Variants in ADCY2 observed in about 807,000 individuals in gnomAD.
ADCY2 encodes adenylate cyclase 2.
A neutral mutation model predicts 125.2 loss-of-function variants in ADCY2; 31 were observed. The ratio of observed to expected loss-of-function variants is 0.25; its 90% CI spans 0.19 to 0.33. The LOEUF (loss-of-function observed/expected upper bound fraction) is 0.33, where lower values mean the gene tolerates loss of function less well. ADCY2 is among the 10% of genes least tolerant of loss of function. The pLI, the probability that ADCY2 is intolerant of heterozygous loss-of-function variation, is 1.00. For synonymous variants in ADCY2, 512 were observed against 548.4 expected, an observed-to-expected ratio of 0.93 and a Z score of 0.93; for missense variants, 904 against 1,418.2, an observed-to-expected ratio of 0.64 and a Z score of 5.82.
At chr5:7,815,410 C>G (rs1179388268) in intron 22 of ADCY2, among the ~76,000 whole-genome samples, 2 of 152,206 alleles carry the variant, frequency 1.3e-5, no homozygotes, top group Non-Finnish European at 2.9e-5. Context: ...GTCATTGAAA[C>G]CCCGAAGGCC....
chr5:7,443,272 G>A (rs959000010), intron 2 of ADCY2, among the ~76,000 whole-genome samples: 3 of 151,946 alleles, frequency 2.0e-5, no homozygotes, highest in East Asian at 1.9e-4. Flanking sequence ...TTATGAGATC[G>A]GAACTTCAGT....
At chr5:7,415,473 G>A (rs113553485) in intron 2 of ADCY2, among the ~76,000 whole-genome samples, 15 of 152,204 alleles carry the variant, frequency 9.9e-5, no homozygotes, top group East Asian at 3.9e-4. Flanking sequence ...TTCTGTTTCC[G>A]GAGTGCCTTG....
intron 2 of ADCY2, among the ~76,000 whole-genome samples, chr5:7,509,860 A>G (rs1168431595): frequency 2.0e-5 from 3 of 152,248 alleles, no homozygotes; most frequent in Non-Finnish European, 4.4e-5. Flanking sequence ...GGTTTTATTA[A>G]GTAGTGTAAA....
chr5:7,562,612 C>T (rs1282353893), intron 3 of ADCY2, among the ~76,000 whole-genome samples: 1 of 152,106 alleles, frequency 6.6e-6, no homozygotes, highest in Non-Finnish European at 1.5e-5. Flanking sequence ...CATGCGTGCA[C>T]AGACACACAC....
At chr5:7,823,633 C>T (rs1195110275) in intron 24 of ADCY2, among the ~76,000 whole-genome samples, 1 of 152,148 alleles carries the variant, frequency 6.6e-6, no homozygotes, top group Non-Finnish European at 1.5e-5. Flanking sequence ...GACTCACTTT[C>T]CCACCTGCAG....
Position 7,396,321 on chromosome 5 carries a change from C to T in ADCY2, c.25C>T (p.Arg9Cys), listed in dbSNP as rs1739029706. ...GATGTGGCAGGAGGCGATGCGGCGC[C>T]GCCGCTACCTGCGGGACCGCTCCGA... MWQEAMRR[R>C]RYLRDRSEEA... The change falls in exon 1 of 25, where the codon CGC (arginine) becomes TGC (cysteine). Residue 9 changes from arginine (R) to cysteine (C), a missense_variant. By Grantham distance (180) the Arg-to-Cys change is radical. This residue lies in a region of ADCY2 where 113 missense variants were observed against 108.0 expected (regional missense o/e 1.05). Transcript: ENST00000338316. This position sits in a 1 kb window ranked among gnomAD's most constrained non-coding sequence, Gnocchi z 5.7. 2 of 1,472,182 alleles carry T rather than the reference C, an allele frequency of 1.4e-6. No individual in the cohort carries two copies. Among genetic ancestry groups the T allele is most frequent in the East Asian group, 3.0e-5 (1 of 33,560 alleles). The allele number at this position is 1,472,182 out of a possible 1,614,324, so 91.2% of individuals were successfully genotyped here.
intron 2 of ADCY2, among the ~76,000 whole-genome samples, chr5:7,464,331 A>C (rs1159523593): frequency 6.6e-6 from 1 of 152,154 alleles, no homozygotes; most frequent in African/African-American, 2.4e-5. Context: ...TCAGAGTCCC[A>C]GCTGAGTACC....
chr5:7,396,196 C>T lies in ADCY2; in HGVS notation c.-101C>T, dbSNP rs1368971108. ...TGCGCGCAGCTCCGGGTGCCGGCAGCCGGGCCGGCCGAGGCGGCGCGGGGG... is the reference window on the plus strand; with the variant it reads ...TGCGCGCAGCTCCGGGTGCCGGCAGTCGGGCCGGCCGAGGCGGCGCGGGGG... On this transcript the variant is annotated 5_prime_UTR_variant, in exon 1 of 25. Transcript: ENST00000338316. This position sits in a 1 kb window ranked among gnomAD's most constrained non-coding sequence, Gnocchi z 5.7. The T allele has an allele frequency of 1.6e-6, 1 of 625,576 alleles. No homozygotes were observed. Among genetic ancestry groups the T allele is most frequent in the Non-Finnish European group, 2.0e-6 (1 of 506,068 alleles). The allele number at this position is 625,576 out of a possible 1,614,324, so 38.8% of individuals were successfully genotyped here.
intron 18 of ADCY2, among the ~76,000 whole-genome samples, chr5:7,782,752 G>A (rs1311980173): frequency 1.3e-5 from 2 of 152,242 alleles, no homozygotes; most frequent in Non-Finnish European, 2.9e-5. Flanking sequence ...TATAGCATGA[G>A]CATGGTCAAT....
At chr5:7,589,332 A>G (rs1429861044) in intron 3 of ADCY2, among the ~76,000 whole-genome samples, 3 of 150,254 alleles carry the variant, frequency 2.0e-5, no homozygotes, top group South Asian at 2.1e-4. Context: ...CAAAATATGC[A>G]TAGACAAAGT....
intron 2 of ADCY2, among the ~76,000 whole-genome samples, chr5:7,497,634 C>A (rs1041766585): frequency 6.6e-6 from 1 of 151,972 alleles, no homozygotes; most frequent in South Asian, 2.1e-4. Flanking sequence ...TTAGCAAGCA[C>A]CTATGTAATT....
intron 2 of ADCY2, among the ~76,000 whole-genome samples, chr5:7,448,476 T>C (rs57258429): frequency 0.021 from 3,248 of 152,240 alleles, 110 homozygotes; most frequent in African/African-American, 0.074. Context: ...TTCATTATTT[T>C]TTTTTTTCAT....
chr5:7,799,562 C>G (rs1358881238), intron 20 of ADCY2: 1 of 152,304 alleles, frequency 6.6e-6, no homozygotes, highest in African/African-American at 2.4e-5. Context: ...AGTTTGTAGT[C>G]CAAGCTCCCC....
intron 7 of ADCY2, among the ~76,000 whole-genome samples, chr5:7,698,608 A>G (rs911120996): frequency 1.3e-5 from 2 of 151,460 alleles, no homozygotes; most frequent in South Asian, 2.1e-4. Flanking sequence ...TCATTGTTCA[A>G]CTCCCACTTA....
At chr5:7,733,149 A>T (rs1023118566) in intron 14 of ADCY2, among the ~76,000 whole-genome samples, 1 of 152,250 alleles carries the variant, frequency 6.6e-6, no homozygotes, top group East Asian at 1.9e-4. Flanking sequence ...TAGGTAAATA[A>T]CATGTGTTTC....
chr5:7,673,940 A>T (rs918914741), intron 4 of ADCY2, among the ~76,000 whole-genome samples: 2 of 152,122 alleles, frequency 1.3e-5, no homozygotes, highest in African/African-American at 4.8e-5. Flanking sequence ...TTGTCAGGGC[A>T]CCTAAGCACT....
At position 7,830,017 on chromosome 5, in the gene ADCY2, A is replaced by C. The variant is rs1745594350; in HGVS notation, c.*3146A>C. Reference sequence around the variant, plus strand: ...ATCACTTGAGCCCAGGAAGTCCAGAACGTAGTGAGCCTTGATTATACCACT... The same window carrying C: ...ATCACTTGAGCCCAGGAAGTCCAGACCGTAGTGAGCCTTGATTATACCACT... On this transcript the variant is annotated 3_prime_UTR_variant, in exon 25 of 25. Coordinates refer to ENST00000338316, the MANE Select transcript of ADCY2 (RefSeq NM_020546.3). The C allele has an allele frequency of 6.6e-6, 1 of 152,104 alleles. No individual in the cohort carries two copies. Among genetic ancestry groups the C allele is most frequent in the Non-Finnish European group, 1.5e-5 (1 of 68,044 alleles). 9.4% of individuals were successfully genotyped at this position (152,104 alleles called of 1,614,324 possible).
chr5:7,482,766 T>TGATATATATATA (rs1179060523), intron 2 of ADCY2, among the ~76,000 whole-genome samples: 1 of 55,470 alleles, frequency 1.8e-5, no homozygotes, highest in Non-Finnish European at 4.0e-5. Context: ...AAAGAAAATG[T>TGATATATATATA]GATATATATA....
At chr5:7,780,646 C>T (rs1469220238) in intron 18 of ADCY2, among the ~76,000 whole-genome samples, 1 of 152,204 alleles carries the variant, frequency 6.6e-6, no homozygotes, top group Non-Finnish European at 1.5e-5. Context: ...CTGTTAACAG[C>T]ACAAGAGAAA....
Sources: allele counts gnomAD v4.1 joint callset (sites outside exome capture counted in the v4.1 genomes callset), GRCh38; gene constraint gnomAD v4.1.1; regional missense constraint gnomAD v4.1.1; non-coding constraint Gnocchi (gnomAD v3.1); transcripts MANE v1.5; gene names NCBI Gene and HGNC (gene_info 2026-07-23, HGNC 2026-07-21).